The following CCDC102B variants were observed in gnomAD, a reference collection of about 807,000 sequenced individuals.
CCDC102B encodes the protein coiled-coil domain-containing protein 102B.
A neutral mutation model predicts 57.4 loss-of-function variants in CCDC102B; 75 were observed. The ratio of observed to expected loss-of-function variants is 1.31; its 90% CI spans 1.08 to 1.58. The LOEUF is 1.58. Ranked by LOEUF, CCDC102B falls within the 40% of genes most tolerant of loss-of-function variation. The pLI, the probability that CCDC102B is intolerant of heterozygous loss-of-function variation, is 0.00. For missense variants in CCDC102B, 636 were observed against 582.6 expected, an observed-to-expected ratio of 1.09 and a Z score of -0.94; for synonymous variants, 206 against 201.9, an observed-to-expected ratio of 1.02 and a Z score of -0.17.
intron 6 of CCDC102B, among the ~76,000 whole-genome samples, chr18:68,968,733 T>C (rs1599768514): frequency 6.6e-6 from 1 of 152,312 alleles, no homozygotes; most frequent in Non-Finnish European, 1.5e-5. Flanking sequence ...ACCACAGTTC[T>C]GTTGTTTACT....
At chr18:68,742,307 T>C (rs1392510434) in intron 2 of CCDC102B, among the ~76,000 whole-genome samples, 1 of 152,174 alleles carries the variant, frequency 6.6e-6, no homozygotes, top group East Asian at 1.9e-4. Flanking sequence ...TTGTGTCTCT[T>C]TTCCTCTTCC....
At chr18:69,047,566 A>G (rs1257010755) in intron 7 of CCDC102B, among the ~76,000 whole-genome samples, 1 of 152,004 alleles carries the variant, frequency 6.6e-6, no homozygotes, top group Non-Finnish European at 1.5e-5. Flanking sequence ...GAGAAATAAA[A>G]CGCATCCAAA....
At chr18:68,724,808 A>G (rs944616959) in intron 2 of CCDC102B, among the ~76,000 whole-genome samples, 20 of 151,760 alleles carry the variant, frequency 1.3e-4, no homozygotes, top group African/African-American at 4.6e-4. Context: ...AATTGTTCCA[A>G]CCTCTGCCTG....
At chr18:68,855,517 G>A (rs2038342262) in intron 4 of CCDC102B, among the ~76,000 whole-genome samples, 1 of 152,098 alleles carries the variant, frequency 6.6e-6, no homozygotes, top group Non-Finnish European at 1.5e-5. Context: ...ATACAGTTAA[G>A]TGGCTTTTAA....
chr18:68,984,946 A>T (rs1008757986), intron 6 of CCDC102B, among the ~76,000 whole-genome samples: 9 of 152,188 alleles, frequency 5.9e-5, no homozygotes, highest in Non-Finnish European at 4.4e-5. Flanking sequence ...AATTAGAGCT[A>T]TAAGTAGGTA....
chr18:68,761,255 A>G (rs2034244959), intron 2 of CCDC102B, among the ~76,000 whole-genome samples: 1 of 152,104 alleles, frequency 6.6e-6, no homozygotes, highest in South Asian at 2.1e-4. Flanking sequence ...CTAATTATAC[A>G]TTTTTAAACA....
intron 1 of CCDC102B, among the ~76,000 whole-genome samples, chr18:68,825,441 G>A (rs926521268): frequency 2.0e-5 from 3 of 152,088 alleles, no homozygotes; most frequent in East Asian, 1.9e-4. Context: ...TGTAATCCCC[G>A]CACTTTGGGA....
rs546783842 is a variant in CCDC102B at position 68,833,410 on chromosome 18, A to G, written c.-15-3339A>G. Among the ~76,000 whole-genome samples, 68 of 138,406 alleles carry G rather than the reference A, an allele frequency of 4.9e-4. 1 individual carries two copies. In the South Asian group the frequency reaches 0.015, roughly 31 times the overall value. The allele number at this position is 138,406 out of a possible 152,430, so 90.8% of individuals were successfully genotyped here. On this transcript the variant is annotated intron_variant, in intron 1 of 7. Transcript: ENST00000360242. ...TTTTTTTTTTTTTTTTAAGTACACCATTTCTCTTTCAAGAGACAGAGGGAA... is the reference window on the plus strand; with the variant it reads ...TTTTTTTTTTTTTTTTAAGTACACCGTTTCTCTTTCAAGAGACAGAGGGAA...
intron 7 of CCDC102B, among the ~76,000 whole-genome samples, chr18:69,016,619 T>A (rs1288046132): frequency 6.6e-6 from 1 of 152,222 alleles, no homozygotes; most frequent in Non-Finnish European, 1.5e-5. Flanking sequence ...CAAATAATAT[T>A]ACATTTTGCT....
At chr18:69,030,159 A>G (rs2052100480) in intron 7 of CCDC102B, among the ~76,000 whole-genome samples, 1 of 152,226 alleles carries the variant, frequency 6.6e-6, no homozygotes, top group Non-Finnish European at 1.5e-5. Flanking sequence ...AATTGATCAT[A>G]AACTTATTTT....
intron 6 of CCDC102B, among the ~76,000 whole-genome samples, chr18:68,998,999 T>TATATAGAG (rs2051122947): frequency 2.3e-5 from 1 of 43,338 alleles, no homozygotes; most frequent in East Asian, 5.8e-4. Flanking sequence ...TATATATATA[T>TATATAGAG]AGAGAGAGAG....
intron 5 of CCDC102B, among the ~76,000 whole-genome samples, chr18:68,884,918 T>G (rs139365117): frequency 0.011 from 1,612 of 151,926 alleles, 38 homozygotes; most frequent in East Asian, 0.081. Context: ...TGAGGTGATG[T>G]ATATGCTAAT....
At chr18:69,027,335 T>A (rs542862445) in intron 7 of CCDC102B, among the ~76,000 whole-genome samples, 1 of 152,172 alleles carries the variant, frequency 6.6e-6, no homozygotes, top group Non-Finnish European at 1.5e-5. Context: ...AAAACGGTTT[T>A]CCTAATAAGT....
chr18:68,995,732 A>AGG lies in CCDC102B; in HGVS notation c.1264-15202_1264-15201insGG, dbSNP rs2051007908. Among the ~76,000 whole-genome samples, 7 of 152,274 alleles carry AGG rather than the reference A, an allele frequency of 4.6e-5. No homozygotes were observed. In the East Asian group the frequency reaches 1.2e-3, roughly 25 times the overall value. On this transcript the variant is annotated intron_variant, in intron 6 of 7. Coordinates refer to ENST00000360242, the MANE Select transcript of CCDC102B (RefSeq NM_024781.3). ...TCTGCCAGGGCAGTGCAGAAGAAAA[A>AGG]TGTGGGGTAAGAGCCCCCACACAGA...
chr18:68,768,154 A>G (rs1219094267), intron 2 of CCDC102B, among the ~76,000 whole-genome samples: 1 of 152,196 alleles, frequency 6.6e-6, no homozygotes, highest in Admixed American at 6.5e-5. Flanking sequence ...ATCAGAGAAG[A>G]ACTTTAAAGA....
chr18:68,931,112 G>A (rs527424577), intron 6 of CCDC102B, among the ~76,000 whole-genome samples: 1 of 151,478 alleles, frequency 6.6e-6, no homozygotes, highest in East Asian at 2.0e-4. Context: ...TAAACTTACA[G>A]TGTGATGACA....
At chr18:68,800,962 C>A (rs2035828301) in intron 1 of CCDC102B, among the ~76,000 whole-genome samples, 1 of 151,706 alleles carries the variant, frequency 6.6e-6, no homozygotes, top group Non-Finnish European at 1.5e-5. Context: ...TTTTCTTCTT[C>A]TTTTTTTTCA....
At chr18:68,794,574 T>TA (rs977121661), upstream of CCDC102B, among the ~76,000 whole-genome samples, 4 of 150,638 alleles carry the variant, frequency 2.7e-5, no homozygotes, top group Non-Finnish European at 3.0e-5. Flanking sequence ...TGGAATCCAC[T>TA]AAAAAAAAAT....
At chr18:68,966,085 G>A (rs997010739) in intron 6 of CCDC102B, among the ~76,000 whole-genome samples, 2 of 152,086 alleles carry the variant, frequency 1.3e-5, no homozygotes, top group African/African-American at 4.8e-5. Context: ...ACTGTGGTGT[G>A]GTTTTATACT....
Sources: allele counts gnomAD v4.1 joint callset (sites outside exome capture counted in the v4.1 genomes callset), GRCh38; gene constraint gnomAD v4.1.1; transcripts MANE v1.5; gene names NCBI Gene and HGNC (gene_info 2026-07-23, HGNC 2026-07-21).